The following SSBP2 variants were observed in gnomAD, a reference collection of about 807,000 sequenced individuals.
SSBP2 encodes single-stranded DNA-binding protein 2.
SSBP2 carries 17 observed loss-of-function variants against 61.8 expected under a neutral mutation model. The observed-to-expected ratio is 0.28, with a 90% CI of 0.19 to 0.41. SSBP2 has a LOEUF of 0.41. Ranked by LOEUF, SSBP2 falls within the 10% of genes least tolerant of loss-of-function variation. SSBP2 has a pLI of 1.00. For synonymous variants in SSBP2, 139 were observed against 141.3 expected (o/e 0.98, Z 0.12); for missense variants, 310 against 458.7 (o/e 0.68, Z 2.96).
At chr5:81,700,932 G>C (rs747992409) in intron 1 of SSBP2, among the ~76,000 whole-genome samples, 1 of 152,130 alleles carries the variant, frequency 6.6e-6, no homozygotes, top group African/African-American at 2.4e-5. Flanking sequence ...TCTCCGTATT[G>C]ACCATAAAGC....
intron 1 of SSBP2, among the ~76,000 whole-genome samples, chr5:81,718,295 TC>T (rs1177910664): frequency 2.0e-5 from 3 of 152,026 alleles, no homozygotes; most frequent in Admixed American, 2.0e-4. Flanking sequence ...GAGATAGGAT[TC>T]AGAGGGCTAA....
chr5:81,513,542 A>T (rs1245806553), intron 5 of SSBP2, 86 bp downstream of exon 5: 2 of 815,962 alleles, frequency 2.5e-6, no homozygotes, highest in East Asian at 2.5e-5. Flanking sequence ...AAAAATTAAA[A>T]TAGCCTTATC....
chr5:81,727,586 GACT>G (rs914303801), intron 1 of SSBP2, among the ~76,000 whole-genome samples: 2 of 152,034 alleles, frequency 1.3e-5, no homozygotes, highest in Admixed American at 1.3e-4. Flanking sequence ...TTTAAATCAT[GACT>G]ACAACTATTA....
Position 81,594,967 on chromosome 5 carries a change from G to C in SSBP2, c.282+20506C>G, listed in dbSNP as rs1743559897. Among the ~76,000 whole-genome samples, 6 of 152,250 alleles carry C rather than the reference G, an allele frequency of 3.9e-5. No homozygotes were observed. In the South Asian group the frequency reaches 8.3e-4, roughly 21 times the overall value. Reference sequence around the variant, plus strand: ...CAAGAGCAAACACGTTCAAAAGCTAGCAGAAGGCAAGAAATAACTAAGATC... The same window carrying C: ...CAAGAGCAAACACGTTCAAAAGCTACCAGAAGGCAAGAAATAACTAAGATC... On this transcript the variant is annotated intron_variant, in intron 4 of 16. Transcript: ENST00000320672.
intron 1 of SSBP2, among the ~76,000 whole-genome samples, chr5:81,737,626 C>A (rs1160712596): frequency 1.3e-5 from 2 of 148,234 alleles, no homozygotes; most frequent in African/African-American, 2.5e-5. Flanking sequence ...ACTAAAAATA[C>A]AAAAAAAAAA....
Position 81,511,550 on chromosome 5 carries a change from G to A in SSBP2, c.372+2078C>T, listed in dbSNP as rs888707698. Among the ~76,000 whole-genome samples the A allele has an allele frequency of 2.0e-5, 3 of 152,230 alleles. No homozygotes were observed. The East Asian group carries it at 5.8e-4, about 29-fold the overall frequency. On this transcript the variant is annotated intron_variant, in intron 5 of 16. Transcript: ENST00000320672. Reference sequence around the variant, plus strand: ...GTATTACTCTGAACACCTCTGCACAGATCATTTTGATGCAGTCACGCTTTT... The same window carrying A: ...GTATTACTCTGAACACCTCTGCACAAATCATTTTGATGCAGTCACGCTTTT...
chr5:81,551,352 T>G (rs1284809401), intron 4 of SSBP2, among the ~76,000 whole-genome samples: 1 of 152,150 alleles, frequency 6.6e-6, no homozygotes, highest in Admixed American at 6.5e-5. Context: ...ATATTCAACA[T>G]AAGCATAATC....
At chr5:81,440,398 A>G (rs1762954910) in intron 14 of SSBP2, 160 bp downstream of exon 14, 2 of 570,528 alleles carry the variant, frequency 3.5e-6, no homozygotes, top group Non-Finnish European at 3.2e-6. Flanking sequence ...TACAGTTATA[A>G]CCAATAAAAT....
At chr5:81,438,348 CAAA>C (rs11303330) in intron 14 of SSBP2, among the ~76,000 whole-genome samples, 17 of 104,782 alleles carry the variant, frequency 1.6e-4, no homozygotes, top group Admixed American at 2.9e-4. Context: ...GAGACTGTCT[CAAA>C]AAAAAAAAAA....
intron 4 of SSBP2, among the ~76,000 whole-genome samples, chr5:81,543,054 C>T (rs141496462): frequency 0.026 from 3,957 of 152,132 alleles, 167 homozygotes; most frequent in African/African-American, 0.09. Context: ...GGGGTTTCAC[C>T]ATGGTGGCCA....
At chr5:81,554,586 C>T (rs1004205482) in intron 4 of SSBP2, among the ~76,000 whole-genome samples, 1 of 151,866 alleles carries the variant, frequency 6.6e-6, no homozygotes, top group Non-Finnish European at 1.5e-5. Flanking sequence ...ACAATGGTTA[C>T]ATAAAAATTC....
In SSBP2 at chr5:81,638,622, A is replaced by ATGATGT. The variant is rs376390426; in HGVS notation, c.136-2005_136-2004insACATCA. 6.3e-3 allele frequency among the ~76,000 whole-genome samples: 954 copies of ATGATGT among 152,162 alleles called. 5 individuals carry two copies. The highest frequency in any genetic ancestry group is 0.02 in the African/African-American group (834 of 41,530). ...TTTACCTAGGAGGGTATCCCTGTAA[A>ATGATGT]AACTTTATTACATCATCATTGTCAC... is the stretch of plus-strand genomic sequence containing the variant. On this transcript the variant is annotated intron_variant, in intron 2 of 16. Transcript: ENST00000320672.
chr5:81,627,327 C>G (rs1370006835), intron 3 of SSBP2, among the ~76,000 whole-genome samples: 3 of 152,092 alleles, frequency 2.0e-5, no homozygotes, highest in African/African-American at 4.8e-5. Flanking sequence ...TTTCTCCCTT[C>G]TCACTCTTAT....
At chr5:81,652,409 A>T (rs768381659) in intron 1 of SSBP2, among the ~76,000 whole-genome samples, 2 of 152,154 alleles carry the variant, frequency 1.3e-5, no homozygotes, top group Non-Finnish European at 2.9e-5. Flanking sequence ...TAAAACAGTG[A>T]TTCTAAAAAA....
At chr5:81,642,631 T>C (rs1336909522) in intron 2 of SSBP2, among the ~76,000 whole-genome samples, 1 of 152,212 alleles carries the variant, frequency 6.6e-6, no homozygotes, top group South Asian at 2.1e-4. Context: ...TACATATATG[T>C]AACAATTTTC....
chr5:81,576,029 C>T (rs1774185184), intron 4 of SSBP2, among the ~76,000 whole-genome samples: 1 of 152,110 alleles, frequency 6.6e-6, no homozygotes, highest in Admixed American at 6.5e-5. Flanking sequence ...GTTCAATTCC[C>T]CATATGTAAA....
chr5:81,492,419 G>A (rs1333589998), intron 5 of SSBP2, among the ~76,000 whole-genome samples: 2 of 152,086 alleles, frequency 1.3e-5, no homozygotes, highest in South Asian at 2.1e-4. Flanking sequence ...GAGGAGAATC[G>A]CTTGAACCCA....
At chr5:81,526,209 T>C (rs1297154999) in intron 4 of SSBP2, among the ~76,000 whole-genome samples, 1 of 152,064 alleles carries the variant, frequency 6.6e-6, no homozygotes, top group African/African-American at 2.4e-5. Context: ...AAACTTAAAG[T>C]CAAAAAATTC....
intron 4 of SSBP2, among the ~76,000 whole-genome samples, chr5:81,561,152 T>A (rs1304495191): frequency 3.9e-5 from 6 of 152,146 alleles, no homozygotes. Context: ...AATAATGTAA[T>A]CCCCTGATAA....
Sources: gnomAD v4.1 joint callset for allele counts (sites outside exome capture counted in the v4.1 genomes callset) on GRCh38, gnomAD v4.1.1 for gene constraint, MANE v1.5 for transcripts, NCBI Gene and HGNC (gene_info 2026-07-23, HGNC 2026-07-21) for gene names.